Variants in ATP8B1 observed in about 807,000 individuals in gnomAD.
ATP8B1 encodes the protein ATPase phospholipid transporting 8B1.
Under a neutral mutation model 149.9 loss-of-function variants are expected in ATP8B1, and 80 were observed. The observed-to-expected ratio is 0.53, with a 90% CI of 0.45 to 0.64. The LOEUF is 0.64. Among genes scored for constraint, ATP8B1 ranks in the 30% least tolerant of loss-of-function variants. ATP8B1 has a pLI of 0.00. For missense variants in ATP8B1, 1,247 were observed against 1,552.6 expected (o/e 0.80, Z 3.31); for synonymous variants, 536 against 562.8 (o/e 0.95, Z 0.67).
At chr18:57,747,179 G>A (rs1048860405) in intron 1 of ATP8B1, among the ~76,000 whole-genome samples, 3 of 152,194 alleles carry the variant, frequency 2.0e-5, no homozygotes, top group African/African-American at 7.2e-5. Context: ...CAGGCCGGGC[G>A]TGGTGGCTCA....
chr18:57,662,512 G>A lies in ATP8B1; in HGVS notation c.2389C>T (p.Arg797Cys), dbSNP rs749542887. The change falls in exon 21 of 28, where the codon CGT becomes TGT. Residue 797 changes from arginine (R) to cysteine (C), a missense_variant. Transcript: ENST00000648908. ...CAAGAACCAGTGATGATTAAGGCAC[G>A]GTTTCCACCGGGTGGAAAAAAAGAT... ...QESFFPPGGN[R>C]ALIITGSWLN... The A allele has an allele frequency of 1.6e-5, 26 of 1,613,960 alleles. No homozygotes were observed. The highest frequency in any genetic ancestry group is 4.4e-5 in the South Asian group (4 of 91,080).
At position 57,802,847 on chromosome 18, in the gene ATP8B1, C is replaced by G. The variant is rs917011795; in HGVS notation, c.-26+151G>C. On this transcript the variant is annotated intron_variant, in intron 1 of 27. Coordinates refer to ENST00000648908, the MANE Select transcript of ATP8B1 (RefSeq NM_001374385.1). The surrounding 1 kb of genome is among the most constrained non-coding windows in gnomAD (Gnocchi z 4.9). The stretch of plus-strand genomic sequence containing the variant: ...CACCTCCACCCAAATCCCACCTGTG[C>G]GGGCTCGGGAGTCCGAGGGCGCTGA... Among the ~76,000 whole-genome samples, 3 of 152,234 alleles carry G rather than the reference C, an allele frequency of 2.0e-5. No homozygotes were observed. Among genetic ancestry groups the G allele is most frequent in the African/African-American group, 2.4e-5 (1 of 41,462 alleles).
At chr18:57,768,386 C>CAAAAAAAAAAAAAAAAAAAAAAA (rs145660399) in intron 1 of ATP8B1, among the ~76,000 whole-genome samples, 3 of 68,158 alleles carry the variant, frequency 4.4e-5, no homozygotes, top group African/African-American at 1.9e-4. Context: ...GACCCTGTCT[C>CAAAAAAAAAAAAAAAAAAAAAAA]AAAAAAAAAA....
intron 2 of ATP8B1, among the ~76,000 whole-genome samples, chr18:57,716,654 C>T (rs1374548012): frequency 6.6e-6 from 1 of 152,156 alleles, no homozygotes; most frequent in East Asian, 1.9e-4. Flanking sequence ...TATTTATCCA[C>T]CTTACACTGG....
intron 1 of ATP8B1, among the ~76,000 whole-genome samples, chr18:57,795,989 T>A (rs1428672612): frequency 6.6e-6 from 1 of 151,990 alleles, no homozygotes; most frequent in East Asian, 1.9e-4. Context: ...GCCAACATGG[T>A]GAAACCCTGT....
chr18:57,684,409 C>T (rs1372479050), intron 14 of ATP8B1, among the ~76,000 whole-genome samples: 1 of 151,798 alleles, frequency 6.6e-6, no homozygotes, highest in Non-Finnish European at 1.5e-5. Flanking sequence ...ATGGGTCTCA[C>T]TCTGTCACCC....
intron 1 of ATP8B1, among the ~76,000 whole-genome samples, chr18:57,773,916 GC>G (rs1291208351): frequency 6.6e-6 from 1 of 152,188 alleles, no homozygotes; most frequent in Non-Finnish European, 1.5e-5. Context: ...GCCCCAGACA[GC>G]ATGCCCTTCA....
At chr18:57,741,267 G>T (rs140263618) in intron 1 of ATP8B1, among the ~76,000 whole-genome samples, 1 of 152,090 alleles carries the variant, frequency 6.6e-6, no homozygotes, top group Non-Finnish European at 1.5e-5. Context: ...AGAATATGGC[G>T]CAGGTAATGG....
chr18:57,750,591 G>T (rs1247493431), intron 1 of ATP8B1, among the ~76,000 whole-genome samples: 2 of 152,196 alleles, frequency 1.3e-5, no homozygotes, highest in East Asian at 3.9e-4. Context: ...ACCTCCAAGT[G>T]CTCCGCAGCT....
At chr18:57,775,112 C>T (rs1035424479) in intron 1 of ATP8B1, among the ~76,000 whole-genome samples, 25 of 152,034 alleles carry the variant, frequency 1.6e-4, no homozygotes, top group East Asian at 3.9e-4. Flanking sequence ...CTGGAGAGTT[C>T]GAGACCAGCT....
chr18:57,669,603 A>G (rs1341365070), intron 17 of ATP8B1, 121 bp from the exon 18 acceptor site: 1 of 949,068 alleles, frequency 1.1e-6, no homozygotes, highest in African/African-American at 1.7e-5. Context: ...AGAGATCATT[A>G]AACATGACAG....
At chr18:57,782,803 C>CTTTTTTTTT (rs79009229) in intron 1 of ATP8B1, among the ~76,000 whole-genome samples, 1,354 of 91,046 alleles carry the variant, frequency 0.015, 244 homozygotes, top group African/African-American at 0.033. Flanking sequence ...TAGTTTGTCT[C>CTTTTTTTTT]TTTTTTTTTT....
rs1910915724 is a variant in ATP8B1, at chr18:57,667,162, C to T, written c.2215G>A (p.Ala739Thr). The T allele has an allele frequency of 1.2e-6, 2 of 1,607,938 alleles. No homozygotes were observed. The highest frequency in any genetic ancestry group is 1.7e-6 in the Non-Finnish European group (2 of 1,174,456). ...TCACAAGCAAATCCTATATTTTCAG[C>T]AGTTTCTACAATAGAATAAAATTAA... The part of the protein sequence containing the change: ...WVLTGDKKET[A>T]ENIGFACELL... The change falls in exon 20 of 28, where the codon GCT becomes ACT. Residue 739 changes from alanine to threonine, a missense_variant. Physicochemically the swap from Ala to Thr is moderately conservative, Grantham distance 58. Coordinates refer to ENST00000648908, the MANE Select transcript of ATP8B1 (RefSeq NM_001374385.1).
At chr18:57,661,061 C>G in intron 22 of ATP8B1, 113 bp downstream of exon 22, 1 of 1,385,298 alleles carries the variant, frequency 7.2e-7, no homozygotes, top group South Asian at 1.2e-5. Flanking sequence ...AACATCTGCT[C>G]TATGAAAACC....
intron 1 of ATP8B1, among the ~76,000 whole-genome samples, chr18:57,796,298 A>T (rs1464070683): frequency 7.9e-5 from 12 of 152,236 alleles, no homozygotes; most frequent in Admixed American, 2.0e-4. Context: ...TTTAATTCTT[A>T]CAATCTTTGT....
chr18:57,785,795 C>T (rs949161905), intron 1 of ATP8B1, among the ~76,000 whole-genome samples: 5 of 152,112 alleles, frequency 3.3e-5, no homozygotes, highest in African/African-American at 7.2e-5. Flanking sequence ...CATGAGCCAC[C>T]GTACCTGGCC....
chr18:57,660,574 A>G (rs1217649401), intron 22 of ATP8B1, among the ~76,000 whole-genome samples: 2 of 152,210 alleles, frequency 1.3e-5, no homozygotes, highest in Non-Finnish European at 2.9e-5. Flanking sequence ...GCTGGAGTGC[A>G]GTGGCACGAT....
intron 27 of ATP8B1, among the ~76,000 whole-genome samples, chr18:57,649,756 G>A (rs1427218377): frequency 6.6e-6 from 1 of 152,186 alleles, no homozygotes; most frequent in East Asian, 1.9e-4. Context: ...CCCCTAAGGA[G>A]CTACAGAATA....
chr18:57,748,401 C>T (rs963078229), intron 1 of ATP8B1, among the ~76,000 whole-genome samples: 3 of 152,202 alleles, frequency 2.0e-5, no homozygotes, highest in Admixed American at 2.0e-4. Flanking sequence ...TGAAACAGAT[C>T]CTTCCCCAGC....
Sources: allele counts gnomAD v4.1 joint callset (sites outside exome capture counted in the v4.1 genomes callset), GRCh38; gene constraint gnomAD v4.1.1; non-coding constraint Gnocchi (gnomAD v3.1); transcripts MANE v1.5; gene names NCBI Gene and HGNC (gene_info 2026-07-23, HGNC 2026-07-21).